CLDN16: variants seen among roughly 807,000 people sequenced by gnomAD.
The protein encoded by CLDN16 is claudin-16.
A neutral mutation model predicts 24.6 loss-of-function variants in CLDN16; 13 were observed. That is an observed-to-expected ratio of 0.53 (90% CI 0.34 to 0.84). The LOEUF is 0.84. CLDN16 is among the 40% of genes least tolerant of loss of function. The probability of loss-of-function intolerance (pLI) is 0.01; values close to 1 mark genes in which losing one functional copy is unlikely to be tolerated. For synonymous variants in CLDN16, 116 were observed against 106.7 expected (o/e 1.09, Z -0.54); for missense variants, 298 against 292.7 (o/e 1.02, Z -0.13).
the CLDN16 span, among the ~76,000 whole-genome samples, chr3:190,305,526 G>C: frequency 6.6e-6 from 1 of 152,040 alleles, no homozygotes; most frequent in Admixed American, 6.6e-5. Flanking sequence ...CCCTTGATGA[G>C]GAACTCAATT....
At chr3:190,320,335 C>G (rs941025789), upstream of CLDN16, among the ~76,000 whole-genome samples, 2 of 152,152 alleles carry the variant, frequency 1.3e-5, no homozygotes. Flanking sequence ...TCCTTAGAAA[C>G]CTCCACCTGC....
chr3:190,384,223 T>A (rs1265943480), upstream of CLDN16, among the ~76,000 whole-genome samples: 1 of 152,162 alleles, frequency 6.6e-6, no homozygotes, highest in African/African-American at 2.4e-5. Context: ...AGAAGACTAT[T>A]TATAGGATAT....
the CLDN16 span, chr3:190,310,288 C>T: frequency 1.3e-6 from 2 of 1,524,828 alleles, no homozygotes; most frequent in Non-Finnish European, 9.1e-7. Context: ...TGTTAATCAC[C>T]ATGGAACACT....
At chr3:190,311,076 T>A in the CLDN16 span, among the ~76,000 whole-genome samples, 1 of 152,224 alleles carries the variant, frequency 6.6e-6, no homozygotes. Flanking sequence ...CATGGTCCAA[T>A]GTAATTGCCT....
upstream of CLDN16, among the ~76,000 whole-genome samples, chr3:190,319,627 T>G (rs1442521082): frequency 6.6e-6 from 1 of 152,184 alleles, no homozygotes; most frequent in Admixed American, 6.5e-5. Context: ...GGAAGACAAG[T>G]GTGCTCTACT....
upstream of CLDN16, chr3:190,321,842 C>A (rs1272534078): frequency 5.7e-6 from 4 of 704,146 alleles, no homozygotes; most frequent in Non-Finnish European, 9.7e-6. Flanking sequence ...CTCTTCATTT[C>A]CTTATGACAG....
In CLDN16 at chr3:190,410,137, A is replaced by G; in HGVS notation, c.*101A>G. On this transcript the variant is annotated 3_prime_UTR_variant, in exon 5 of 5. Coordinates refer to ENST00000264734, the MANE Select transcript of CLDN16 (RefSeq NM_006580.4). The stretch of plus-strand genomic sequence containing the variant: ...CCAGGAACAGTTATTTAGAATTCAT[A>G]TTGAATTAAATTAATTGCTAGCTTA... 1 of 1,277,360 alleles carries G rather than the reference A, an allele frequency of 7.8e-7. No homozygotes were observed. The highest frequency in any genetic ancestry group is 1.2e-5 in the South Asian group (1 of 82,920). 79.1% of individuals were successfully genotyped at this position (1,277,360 alleles called of 1,614,324 possible).
At chr3:190,360,399 T>C (rs1717862132) in intron 1 of CLDN16, among the ~76,000 whole-genome samples, 1 of 151,828 alleles carries the variant, frequency 6.6e-6, no homozygotes, top group African/African-American at 2.4e-5. Context: ...TTTAGAAAGA[T>C]TTATCCGGTG....
At chr3:190,308,020 A>T in the CLDN16 span, 1 of 423,548 alleles carries the variant, frequency 2.4e-6, no homozygotes, top group Non-Finnish European at 4.4e-6. Context: ...CCCCCAGTTG[A>T]GTATGATTAC....
rs1424286620 is a variant in CLDN16 at position 190,410,249 on chromosome 3, C to T, written c.*213C>T. 5.3e-6 allele frequency: 3 copies of T among 567,292 alleles called. No individual in the cohort carries two copies. The highest frequency in any genetic ancestry group is 4.8e-4 in the Middle Eastern group (1 of 2,082). 35.1% of individuals were successfully genotyped at this position (567,292 alleles called of 1,614,324 possible). On this transcript the variant is annotated 3_prime_UTR_variant, in exon 5 of 5. Coordinates refer to ENST00000264734, the MANE Select transcript of CLDN16 (RefSeq NM_006580.4). The stretch of plus-strand genomic sequence containing the variant: ...CTCTCTGCTAACCTTCCACCTTATG[C>T]ACACACTTTCCCTATATTTTAAGAT...
At chr3:190,292,016 T>C in the CLDN16 span, among the ~76,000 whole-genome samples, 1 of 152,182 alleles carries the variant, frequency 6.6e-6, no homozygotes, top group Non-Finnish European at 1.5e-5. Context: ...TGCAAGCTGT[T>C]GGTGGATCCA....
At chr3:190,392,334 T>A (rs1718701069) in intron 1 of CLDN16, among the ~76,000 whole-genome samples, 1 of 152,080 alleles carries the variant, frequency 6.6e-6, no homozygotes, top group African/African-American at 2.4e-5. Flanking sequence ...TTCCCTCCTA[T>A]ATCCTTCTTT....
intron 1 of CLDN16, among the ~76,000 whole-genome samples, chr3:190,343,235 A>T (rs180723347): frequency 6.6e-6 from 1 of 152,246 alleles, no homozygotes; most frequent in Non-Finnish European, 1.5e-5. Context: ...AATCAGGAAA[A>T]TAGATCATAA....
chr3:190,363,554 G>GCTTATATATATA (rs10663299), intron 1 of CLDN16, among the ~76,000 whole-genome samples: 1 of 81,362 alleles, frequency 1.2e-5, no homozygotes, highest in African/African-American at 4.7e-5. Context: ...GTGTGTGTGT[G>GCTTATATATATA]TGTATATATA....
chr3:190,383,600 T>G (rs141342892), upstream of CLDN16, among the ~76,000 whole-genome samples: 89 of 152,260 alleles, frequency 5.8e-4, 1 homozygote, highest in East Asian at 0.015. Context: ...CCTGAAACAT[T>G]ACCTGAAAAT....
At chr3:190,318,368 T>C (rs1716825126), upstream of CLDN16, among the ~76,000 whole-genome samples, 1 of 152,186 alleles carries the variant, frequency 6.6e-6, no homozygotes, top group South Asian at 2.1e-4. Context: ...ACTTGCCTCT[T>C]CCCCTTCAAT....
intron 1 of CLDN16, among the ~76,000 whole-genome samples, chr3:190,325,948 C>G (rs1468677985): frequency 6.6e-6 from 1 of 152,140 alleles, no homozygotes; most frequent in Non-Finnish European, 1.5e-5. Flanking sequence ...GTTACTAAAA[C>G]TGCATTGCTG....
chr3:190,382,939 AG>A (rs1467472311), intron 3 of CLDN16, among the ~76,000 whole-genome samples: 1 of 152,078 alleles, frequency 6.6e-6, no homozygotes, highest in Non-Finnish European at 1.5e-5. Context: ...CAACAAATCC[AG>A]GTGTGGGCTG....
At chr3:190,312,796 T>A in the CLDN16 span, 4 of 1,535,466 alleles carry the variant, frequency 2.6e-6, no homozygotes, top group Non-Finnish European at 2.7e-6. Context: ...TCAAGTATAA[T>A]GAATCCAACG....
Sources: allele counts gnomAD v4.1 joint callset (sites outside exome capture counted in the v4.1 genomes callset), GRCh38; gene constraint gnomAD v4.1.1; transcripts MANE v1.5; gene names NCBI Gene and HGNC (gene_info 2026-07-23, HGNC 2026-07-21).